The following TMCC1 variants were observed in gnomAD, a reference collection of about 807,000 sequenced individuals.
TMCC1 encodes the protein transmembrane and coiled-coil domains protein 1.
In TMCC1, 15 loss-of-function variants were observed where a neutral mutation model predicts 52.4. The observed-to-expected ratio is 0.29, with a 90% CI of 0.19 to 0.44. TMCC1 has a LOEUF of 0.44. TMCC1 is among the 20% of genes least tolerant of loss of function. The probability of loss-of-function intolerance (pLI) is 1.00; values close to 1 mark genes in which losing one functional copy is unlikely to be tolerated. For synonymous variants in TMCC1, 279 were observed against 301.9 expected (o/e 0.92, Z 0.79); for missense variants, 503 against 806.0 (o/e 0.62, Z 4.55).
intron 5 of TMCC1, among the ~76,000 whole-genome samples, chr3:129,663,477 C>T (rs943718342): frequency 1.3e-5 from 2 of 152,066 alleles, no homozygotes; most frequent in African/African-American, 4.8e-5. Flanking sequence ...GTATGACTTG[C>T]GGTGGGAGTT....
At chr3:129,883,026 T>C (rs754331919) in intron 1 of TMCC1, among the ~76,000 whole-genome samples, 10 of 152,278 alleles carry the variant, frequency 6.6e-5, no homozygotes, top group Admixed American at 2.6e-4. Flanking sequence ...TGGTGGTTTA[T>C]GCCTGTAATC....
At chr3:129,717,521 T>C (rs984078007) in intron 4 of TMCC1, among the ~76,000 whole-genome samples, 4 of 152,146 alleles carry the variant, frequency 2.6e-5, no homozygotes, top group Non-Finnish European at 4.4e-5. Flanking sequence ...CTATTCAACA[T>C]TCCCACTTAG....
At chr3:129,884,930 A>C (rs2061624763) in intron 1 of TMCC1, among the ~76,000 whole-genome samples, 1 of 151,886 alleles carries the variant, frequency 6.6e-6, no homozygotes, top group Admixed American at 6.6e-5. Context: ...GCTTGAGCGC[A>C]GGATTCAAAA....
intron 1 of TMCC1, among the ~76,000 whole-genome samples, chr3:129,880,820 TTCTGG>T (rs1398241560): frequency 6.6e-6 from 1 of 152,028 alleles, no homozygotes; most frequent in Non-Finnish European, 1.5e-5. Flanking sequence ...TCTGAAATAC[TTCTGG>T]TCTGAAGTAT....
At chr3:129,853,629 C>T (rs535085959) in intron 2 of TMCC1, among the ~76,000 whole-genome samples, 7 of 135,884 alleles carry the variant, frequency 5.2e-5, no homozygotes, top group African/African-American at 2.1e-4. Context: ...TATGCACACC[C>T]CACCTCAAAA....
chr3:129,872,022 A>C (rs1321674815), intron 2 of TMCC1, among the ~76,000 whole-genome samples: 2 of 152,234 alleles, frequency 1.3e-5, no homozygotes, highest in African/African-American at 2.4e-5. Flanking sequence ...AAATAATTCC[A>C]ACTAAGGTCT....
chr3:129,670,521 G>T lies in TMCC1; in HGVS notation c.1320C>A (p.Ile440=). 6.2e-7 allele frequency: 1 copy of T among 1,614,190 alleles called. No individual in the cohort carries two copies. Among genetic ancestry groups the T allele is most frequent in the South Asian group, 1.1e-5 (1 of 91,084 alleles). ...TTTTGGAGCTGGATGCTCCTACAGC[G>T]ATGCCCCCTGTGGTGCTGTTGGCTC... ...SVGANSTTGG[I]AVGASSSKTN... Residue 440 remains isoleucine (I), a synonymous_variant, in exon 5 of 7, where the codon ATC becomes ATA. Coordinates refer to ENST00000393238, the MANE Select transcript of TMCC1 (RefSeq NM_001017395.5).
At chr3:129,746,999 T>C (rs963788849) in intron 4 of TMCC1, among the ~76,000 whole-genome samples, 5 of 152,244 alleles carry the variant, frequency 3.3e-5, no homozygotes, top group Admixed American at 2.6e-4. Flanking sequence ...GTTGGGAGAA[T>C]AAATCATTGC....
At chr3:129,852,110 G>A (rs2059939440) in intron 2 of TMCC1, among the ~76,000 whole-genome samples, 1 of 152,122 alleles carries the variant, frequency 6.6e-6, no homozygotes, top group Non-Finnish European at 1.5e-5. Flanking sequence ...CCCTGATTGT[G>A]CCACTGTACT....
chr3:129,690,665 C>A (rs889547611), intron 4 of TMCC1, among the ~76,000 whole-genome samples: 5 of 152,164 alleles, frequency 3.3e-5, no homozygotes, highest in Non-Finnish European at 7.3e-5. Context: ...TCTTACCCTA[C>A]CACTGAGATC....
chr3:129,724,972 G>A (rs960047006), intron 4 of TMCC1, among the ~76,000 whole-genome samples: 1 of 152,134 alleles, frequency 6.6e-6, no homozygotes, highest in Non-Finnish European at 1.5e-5. Flanking sequence ...AGATACACTA[G>A]CTTTGTTTTT....
At chr3:129,790,468 G>A (rs1182866832) in intron 4 of TMCC1, among the ~76,000 whole-genome samples, 2 of 152,042 alleles carry the variant, frequency 1.3e-5, no homozygotes, top group African/African-American at 4.8e-5. Flanking sequence ...TTAAAATTTT[G>A]AACTGTGAAA....
chr3:129,670,436 T>C lies in TMCC1; in HGVS notation c.1405A>G (p.Ile469Val). The C allele has an allele frequency of 6.2e-7, 1 of 1,614,212 alleles. No homozygotes were observed. Among genetic ancestry groups the C allele is most frequent in the African/African-American group, 1.3e-5 (1 of 75,056 alleles). Reference protein sequence around the residue: ...FDALLHEIQEIRETQARLEES... With the variant: ...FDALLHEIQEVRETQARLEES... ...TCTAGTCTGGCCTGGGTTTCCCGGA[T>C]CTCCTGGATCTCATGTAGTAGTGCA... The change falls in exon 5 of 7, where the codon ATC becomes GTC. Residue 469 changes from isoleucine (I) to valine (V), a missense_variant. By Grantham distance (29) the Ile-to-Val change is conservative (BLOSUM62 3). Around this residue, in one of 7 missense-constraint regions of TMCC1, gnomAD observed 121 missense variants for 193.6 expected, o/e 0.62. Transcript: ENST00000393238.
chr3:129,848,647 C>T (rs966976112), intron 2 of TMCC1, among the ~76,000 whole-genome samples: 7 of 152,164 alleles, frequency 4.6e-5, no homozygotes, highest in Non-Finnish European at 1.0e-4. Context: ...GTACACTGTG[C>T]AGTTGAAAGT....
chr3:129,769,449 C>T (rs1415355547), intron 4 of TMCC1, among the ~76,000 whole-genome samples: 2 of 151,840 alleles, frequency 1.3e-5, no homozygotes, highest in African/African-American at 2.4e-5. Flanking sequence ...AGGCTGGTCT[C>T]GAACTCATGA....
At chr3:129,819,406 A>C (rs2058300602) in intron 4 of TMCC1, among the ~76,000 whole-genome samples, 1 of 152,204 alleles carries the variant, frequency 6.6e-6, no homozygotes, top group African/African-American at 2.4e-5. Flanking sequence ...TAGAAATTAG[A>C]AGTTAAGTTC....
Position 129,709,609 on chromosome 3 carries a change from T to G in TMCC1, c.577-38345A>C, listed in dbSNP as rs914807323. On this transcript the variant is annotated intron_variant, in intron 4 of 6. Transcript: ENST00000393238. ...TTGTTGCTACACAATAAAAATTTAT[T>G]TTACACCATAAATCTATACTAGGTA... 2.0e-5 allele frequency among the ~76,000 whole-genome samples: 3 copies of G among 151,734 alleles called. No individual in the cohort carries two copies. In the South Asian group the frequency reaches 6.2e-4, roughly 32 times the overall value.
intron 4 of TMCC1, among the ~76,000 whole-genome samples, chr3:129,743,642 A>G (rs2051660036): frequency 1.3e-5 from 2 of 152,172 alleles, no homozygotes; most frequent in Non-Finnish European, 2.9e-5. Flanking sequence ...ACAATGAACC[A>G]TGGATTCTTT....
intron 4 of TMCC1, among the ~76,000 whole-genome samples, chr3:129,703,086 T>C (rs957539680): frequency 3.3e-5 from 5 of 152,206 alleles, no homozygotes; most frequent in African/African-American, 9.6e-5. Flanking sequence ...TTACTAGCCA[T>C]AGATGGCTTG....
Sources: allele counts gnomAD v4.1 joint callset (sites outside exome capture counted in the v4.1 genomes callset), GRCh38; gene constraint gnomAD v4.1.1; regional missense constraint gnomAD v4.1.1; transcripts MANE v1.5; gene names NCBI Gene and HGNC (gene_info 2026-07-23, HGNC 2026-07-21).